The following HERC2 variants were observed in gnomAD, a reference collection of about 807,000 sequenced individuals.
HERC2 encodes the protein HECT and RLD domain containing E3 ubiquitin protein ligase 2, also known as E3 ubiquitin-protein ligase HERC2.
In HERC2, 102 loss-of-function variants were observed where a neutral mutation model predicts 537.7. The observed-to-expected ratio is 0.19, with a 90% CI of 0.16 to 0.22. The LOEUF is 0.22. Ranked by LOEUF, HERC2 falls within the 10% of genes least tolerant of loss-of-function variation. The pLI is 1.00. For missense variants in HERC2, 4,236 were observed against 6,198.2 expected (o/e 0.68, Z 10.63); for synonymous variants, 2,224 against 2,466.2 (o/e 0.90, Z 2.91).
Position 28,175,668 on chromosome 15 carries a change from C to A in HERC2, c.9687-12G>T. 6.2e-7 allele frequency: 1 copy of A among 1,613,978 alleles called. No homozygotes were observed. Among genetic ancestry groups the A allele is most frequent in the South Asian group, 1.1e-5 (1 of 91,066 alleles). ...AATCCCCCTTTCCCCTGAGAGAAGG[C>A]CCATGGTGGAGAGTTACAATACGGT... On this transcript the variant is annotated splice_polypyrimidine_tract_variant and intron_variant, in intron 63 of 92. Transcript: ENST00000261609.
chr15:28,294,649 A>T (rs2076411227), intron 3 of HERC2, among the ~76,000 whole-genome samples: 1 of 151,634 alleles, frequency 6.6e-6, no homozygotes, highest in Admixed American at 6.6e-5. Context: ...GAGTTATTCA[A>T]ACAAGCCAGT....
chr15:28,206,551 AG>A (rs1481106689), intron 44 of HERC2, among the ~76,000 whole-genome samples, 169 bp from the exon 45 acceptor site: 2 of 151,536 alleles, frequency 1.3e-5, no homozygotes, highest in Admixed American at 1.3e-4. Context: ...ACTAGACTCT[AG>A]GTTGGGTGCG....
intron 3 of HERC2, chr15:28,298,416 A>C (rs1235690725): frequency 6.6e-6 from 1 of 150,522 alleles, no homozygotes; most frequent in Non-Finnish European, 1.5e-5. Flanking sequence ...CAGCCTCCCA[A>C]AGTGCTGGAA....
rs202001850 is a variant in HERC2, at chr15:28,294,050, C to A, written c.188-1028G>T. Among the ~76,000 whole-genome samples the A allele has an allele frequency of 4.0e-4, 61 of 152,304 alleles. 1 individual carries two copies. On this transcript the variant is annotated intron_variant, in intron 3 of 92. Coordinates refer to ENST00000261609, the MANE Select transcript of HERC2 (RefSeq NM_004667.6). ...ATCCCATCCAGATTACAAATAATGA[C>A]TATCTAAAAATCTCGAAGGAAACAG...
At chr15:28,275,077 T>A in intron 5 of HERC2, 72 bp from the exon 6 acceptor site, 1 of 895,658 alleles carries the variant, frequency 1.1e-6, no homozygotes, top group Non-Finnish European at 1.8e-6. Context: ...AAATCAATAC[T>A]ATGAAAGGGT....
At chr15:28,298,831 A>G (rs2076544074) in intron 3 of HERC2, among the ~76,000 whole-genome samples, 1 of 152,060 alleles carries the variant, frequency 6.6e-6, no homozygotes, top group African/African-American at 2.4e-5. Context: ...TACTTTCTTC[A>G]GACTAATGCT....
At chr15:28,289,889 G>A (rs1382619895) in intron 4 of HERC2, among the ~76,000 whole-genome samples, 1 of 152,238 alleles carries the variant, frequency 6.6e-6, no homozygotes, top group East Asian at 1.9e-4. Flanking sequence ...CTGAGAGGAA[G>A]ACACACCTCA....
Position 28,191,990 on chromosome 15 carries a change from A to C in HERC2, c.8422T>G (p.Cys2808Gly). The C allele has an allele frequency of 6.2e-7, 1 of 1,613,860 alleles. No individual in the cohort carries two copies. Among genetic ancestry groups the C allele is most frequent in the Non-Finnish European group, 8.5e-7 (1 of 1,180,012 alleles). The change falls in exon 53 of 93, where the codon TGC becomes GGC. Residue 2808 changes from cysteine (C) to glycine (G), a missense_variant. Physicochemically the swap from Cys to Gly is radical, Grantham distance 159. This residue lies in a region of HERC2 where 606 missense variants were observed against 884.5 expected (regional missense o/e 0.69). Transcript: ENST00000261609. Reference sequence around the variant, plus strand: ...CCTTGCGACCCCGATGACTGCCAGCAGGGCTCGCTGCCGTCAATGAGACGG... The same window carrying C: ...CCTTGCGACCCCGATGACTGCCAGCCGGGCTCGCTGCCGTCAATGAGACGG... ...ASRLIDGSEP[C>G]WQSSGSQGKH...
chr15:28,229,973 T>C (rs1489441619), intron 31 of HERC2, 126 bp from the exon 32 acceptor site: 5 of 755,996 alleles, frequency 6.6e-6, no homozygotes, highest in Non-Finnish European at 1.1e-5. Flanking sequence ...TAGTAATACA[T>C]GGTTTTAAAA....
chr15:28,177,748 G>T lies in HERC2; in HGVS notation c.9164-239C>A, dbSNP rs765493042. ...AACTCTAGAAAGAATTTGCAAAGAG[G>T]CAAAATAATACTGATTATTAATGGG... On this transcript the variant is annotated intron_variant, in intron 59 of 92. Coordinates refer to ENST00000261609, the MANE Select transcript of HERC2 (RefSeq NM_004667.6). The surrounding 1 kb of genome is among the most constrained non-coding windows in gnomAD (Gnocchi z 5.0). Among the ~76,000 whole-genome samples the T allele has an allele frequency of 6.6e-6, 1 of 152,010 alleles. No individual in the cohort carries two copies. Among genetic ancestry groups the T allele is most frequent in the Non-Finnish European group, 1.5e-5 (1 of 68,012 alleles).
At chr15:28,204,272 T>C (rs1000514303) in intron 45 of HERC2, among the ~76,000 whole-genome samples, 1 of 152,142 alleles carries the variant, frequency 6.6e-6, no homozygotes, top group Non-Finnish European at 1.5e-5. Flanking sequence ...GATGTTAGAA[T>C]TAGCAAACAA....
intron 52 of HERC2, among the ~76,000 whole-genome samples, chr15:28,195,682 G>A (rs1234549400): frequency 6.6e-6 from 1 of 151,962 alleles, no homozygotes; most frequent in Non-Finnish European, 1.5e-5. Context: ...GTAAGGGGAA[G>A]TAGGGCAGTT....
intron 85 of HERC2, 129 bp from the exon 86 acceptor site, chr15:28,121,558 C>T: frequency 1.3e-6 from 1 of 754,594 alleles, no homozygotes; most frequent in Non-Finnish European, 2.3e-6. Context: ...TGCCAGTTCC[C>T]TTTTCTCAAG....
Position 28,113,846 on chromosome 15 carries a change from C to T in HERC2, c.13914-168G>A. 6.3e-6 allele frequency: 4 copies of T among 636,950 alleles called. No homozygotes were observed. The highest frequency in any genetic ancestry group is 2.3e-5 in the Admixed American group (1 of 43,566). The allele number at this position is 636,950 out of a possible 1,614,324, so 39.5% of individuals were successfully genotyped here. Reference sequence around the variant, plus strand: ...TGCTTAGCAGCTCGGCACTGCAGAGCTTCTCCTGACACTGGGCTCATCTCG... The same window carrying T: ...TGCTTAGCAGCTCGGCACTGCAGAGTTTCTCCTGACACTGGGCTCATCTCG... On this transcript the variant is annotated intron_variant, in intron 90 of 92. Coordinates refer to ENST00000261609, the MANE Select transcript of HERC2 (RefSeq NM_004667.6). The surrounding 1 kb of genome is among the most constrained non-coding windows in gnomAD (Gnocchi z 7.0).
intron 78 of HERC2, among the ~76,000 whole-genome samples, chr15:28,139,792 A>G (rs370522679): frequency 1.8e-4 from 28 of 151,982 alleles, no homozygotes; most frequent in Non-Finnish European, 1.3e-4. Flanking sequence ...CGGGCACGGT[A>G]GCTCATGCCT....
chr15:28,223,425 C>T (rs1047720985), intron 35 of HERC2, among the ~76,000 whole-genome samples: 1 of 152,050 alleles, frequency 6.6e-6, no homozygotes, highest in Non-Finnish European at 1.5e-5. Context: ...AAGAGAGCAA[C>T]AAAGGATATT....
intron 2 of HERC2, among the ~76,000 whole-genome samples, chr15:28,303,429 C>T (rs1302030758): frequency 6.6e-6 from 1 of 152,084 alleles, no homozygotes; most frequent in Admixed American, 6.6e-5. Context: ...TGCACTTGAT[C>T]TAAGCCAAAA....
chr15:28,206,915 G>A (rs1339614950), intron 44 of HERC2, among the ~76,000 whole-genome samples: 1 of 150,598 alleles, frequency 6.6e-6, no homozygotes, highest in African/African-American at 2.4e-5. Flanking sequence ...CAAGGCTGAG[G>A]CAGGAGAATT....
intron 86 of HERC2, chr15:28,117,360 T>C (rs781681970): frequency 2.6e-5 from 18 of 704,754 alleles, no homozygotes; most frequent in South Asian, 4.5e-5. Flanking sequence ...CCTCACCCCA[T>C]TGGGCATGTC....
Sources: gnomAD v4.1 joint callset for allele counts (sites outside exome capture counted in the v4.1 genomes callset) on GRCh38, gnomAD v4.1.1 for gene constraint, gnomAD v4.1.1 regional missense constraint, Gnocchi (gnomAD v3.1) non-coding constraint, MANE v1.5 for transcripts, NCBI Gene and HGNC (gene_info 2026-07-23, HGNC 2026-07-21) for gene names.